Variants in ENPP3 observed in about 807,000 individuals in gnomAD.
The protein encoded by ENPP3 is ectonucleotide pyrophosphatase/phosphodiesterase 3, also known as ectonucleotide pyrophosphatase/phosphodiesterase family member 3.
A neutral mutation model predicts 117.8 loss-of-function variants in ENPP3; 104 were observed. The observed-to-expected ratio is 0.88, with a 90% CI of 0.75 to 1.04. ENPP3 has a LOEUF of 1.04. Ranked by LOEUF, ENPP3 falls within the 50% of genes least tolerant of loss-of-function variation. ENPP3 has a pLI of 0.00. For synonymous variants in ENPP3, 380 were observed against 349.9 expected, an observed-to-expected ratio of 1.09 and a Z score of -0.96; for missense variants, 1,026 against 1,051.9, an observed-to-expected ratio of 0.98 and a Z score of 0.34.
chr6:131,692,858 GTGATATATATGATATA>G (rs1779312761), intron 14 of ENPP3, among the ~76,000 whole-genome samples: 1 of 100,280 alleles, frequency 1.0e-5, no homozygotes, highest in Non-Finnish European at 1.8e-5. Flanking sequence ...TATATGATAT[GTGATATATATGATATA>G]TAGTTATATA....
chr6:131,673,467 A>T (rs941450801), intron 7 of ENPP3, among the ~76,000 whole-genome samples: 27 of 152,292 alleles, frequency 1.8e-4, no homozygotes, highest in Middle Eastern at 6.8e-3. Context: ...TGGGAGCTAA[A>T]TGATAGGAAC....
chr6:131,685,579 G>T (rs1779137444), intron 13 of ENPP3, 84 bp downstream of exon 13: 8 of 1,396,990 alleles, frequency 5.7e-6, no homozygotes, highest in African/African-American at 1.4e-5. Flanking sequence ...AGGAAGTTGG[G>T]GTTATCAGAC....
chr6:131,684,058 A>G (rs1268596150), intron 12 of ENPP3, among the ~76,000 whole-genome samples: 2 of 152,086 alleles, frequency 1.3e-5, no homozygotes, highest in African/African-American at 4.8e-5. Flanking sequence ...TCCTCTACAG[A>G]TATTTTTTTA....
chr6:131,660,865 C>A (rs1225038142), intron 6 of ENPP3, among the ~76,000 whole-genome samples: 1 of 152,078 alleles, frequency 6.6e-6, no homozygotes, highest in African/African-American at 2.4e-5. Context: ...AACTTCATAT[C>A]CATTGATTAA....
intron 14 of ENPP3, among the ~76,000 whole-genome samples, chr6:131,691,822 A>T (rs1779288075): frequency 6.6e-6 from 1 of 152,184 alleles, no homozygotes; most frequent in African/African-American, 2.4e-5. Context: ...CTGCATACTC[A>T]GCAGCTGCCA....
intron 15 of ENPP3, chr6:131,710,627 T>C (rs749824691): frequency 4.3e-6 from 7 of 1,613,334 alleles, no homozygotes; most frequent in South Asian, 1.1e-5. Context: ...TTTTCACAGG[T>C]TGCCTCCAAA....
At chr6:131,737,228 G>A (rs1038427683) in intron 21 of ENPP3, 127 bp from the exon 22 acceptor site, 21 of 599,354 alleles carry the variant, frequency 3.5e-5, no homozygotes, top group Non-Finnish European at 6.0e-5. Flanking sequence ...ACCTCTGTTA[G>A]AAAGTACTAC....
chr6:131,685,799 C>T, intron 13 of ENPP3, 77 bp from the exon 14 acceptor site: 1 of 696,090 alleles, frequency 1.4e-6, no homozygotes, highest in Non-Finnish European at 2.6e-6. Flanking sequence ...GTATCAAATT[C>T]ACCTGAGTGG....
At chr6:131,709,712 G>C (rs1168468310) in intron 15 of ENPP3, 3 of 1,613,860 alleles carry the variant, frequency 1.9e-6, no homozygotes, top group Non-Finnish European at 2.5e-6. Context: ...TCTTTGGCTA[G>C]CTTTCTATAG....
At chr6:131,668,141 C>T (rs912573149) in intron 6 of ENPP3, among the ~76,000 whole-genome samples, 3 of 151,096 alleles carry the variant, frequency 2.0e-5, no homozygotes, top group East Asian at 3.9e-4. Flanking sequence ...TTCATTATGC[C>T]AGTCTTATAA....
intron 12 of ENPP3, among the ~76,000 whole-genome samples, chr6:131,684,047 G>A (rs920305485): frequency 6.6e-6 from 1 of 152,116 alleles, no homozygotes; most frequent in East Asian, 1.9e-4. Context: ...CACCGGGCCT[G>A]TCCTCTACAG....
At chr6:131,705,903 A>G (rs1779628776) in intron 15 of ENPP3, among the ~76,000 whole-genome samples, 2 of 135,370 alleles carry the variant, frequency 1.5e-5, no homozygotes, top group Admixed American at 1.5e-4. Context: ...AGCACAATGC[A>G]TTACTTACAT....
intron 2 of ENPP3, among the ~76,000 whole-genome samples, chr6:131,647,408 G>A (rs1003502130): frequency 9.9e-5 from 15 of 152,028 alleles, no homozygotes; most frequent in African/African-American, 3.6e-4. Context: ...TTGTAATTAT[G>A]TATAACACTA....
At chr6:131,681,605 C>T (rs951566677) in intron 11 of ENPP3, among the ~76,000 whole-genome samples, 2 of 151,424 alleles carry the variant, frequency 1.3e-5, no homozygotes, top group African/African-American at 4.9e-5. Flanking sequence ...AATTAAAAAA[C>T]ACAAAGGCAG....
In ENPP3 at chr6:131,674,141, T is replaced by C. The variant is rs78181302; in HGVS notation, c.643-21T>C. On this transcript the variant is annotated intron_variant, in intron 7 of 24. Coordinates refer to ENST00000357639, the MANE Select transcript of ENPP3 (RefSeq NM_005021.5). Reference sequence around the variant, plus strand: ...TTTACTAATATTTTATCTTACATCTTTTTTGAAATTATCATTTTAGGGCTT... The same window carrying C: ...TTTACTAATATTTTATCTTACATCTCTTTTGAAATTATCATTTTAGGGCTT... 2,726 of 1,436,490 alleles carry C rather than the reference T, an allele frequency of 1.9e-3. 40 individuals are homozygous for C. The African/African-American group carries it at 0.036, about 19-fold the overall frequency. The allele number at this position is 1,436,490 out of a possible 1,614,324, so 89.0% of individuals were successfully genotyped here.
intron 3 of ENPP3, among the ~76,000 whole-genome samples, chr6:131,650,699 A>T (rs1336819865): frequency 6.6e-6 from 1 of 152,160 alleles, no homozygotes; most frequent in Non-Finnish European, 1.5e-5. Flanking sequence ...TCCAAAAGAG[A>T]ATCCGCTCCA....
At chr6:131,671,220 C>A in intron 6 of ENPP3, 28 bp from the exon 7 acceptor site, 2 of 1,309,184 alleles carry the variant, frequency 1.5e-6, no homozygotes, top group Non-Finnish European at 2.2e-6. Context: ...GAAACAACTT[C>A]CTAATTTCTC....
chr6:131,678,934 T>C (rs1289925562), intron 11 of ENPP3, among the ~76,000 whole-genome samples: 9 of 84,260 alleles, frequency 1.1e-4, no homozygotes, highest in African/African-American at 8.2e-4. Context: ...TCTTTCTTTC[T>C]TTCTTTCTTT....
intron 2 of ENPP3, among the ~76,000 whole-genome samples, chr6:131,646,058 T>C (rs990677667): frequency 2.0e-5 from 3 of 152,234 alleles, no homozygotes; most frequent in Non-Finnish European, 4.4e-5. Context: ...TCCTTGGTCA[T>C]GTAAGACAAC....
Sources: allele counts gnomAD v4.1 joint callset (sites outside exome capture counted in the v4.1 genomes callset), GRCh38; gene constraint gnomAD v4.1.1; transcripts MANE v1.5; gene names NCBI Gene and HGNC (gene_info 2026-07-23, HGNC 2026-07-21).